Variants in RNF157 observed in about 807,000 individuals in gnomAD.
RNF157 encodes the protein ring finger protein 157.
RNF157 carries 55 observed loss-of-function variants against 88.3 expected under a neutral mutation model. The ratio of observed to expected loss-of-function variants is 0.62; its 90% confidence interval spans 0.50 to 0.78. RNF157 has a LOEUF of 0.78. RNF157 is among the 30% of genes least tolerant of loss of function. The probability of loss-of-function intolerance (pLI) is 0.00; values close to 1 mark genes in which losing one functional copy is unlikely to be tolerated. For missense variants in RNF157, 788 were observed against 860.8 expected, an observed-to-expected ratio of 0.92 and a Z score of 1.06; for synonymous variants, 334 against 341.2, an observed-to-expected ratio of 0.98 and a Z score of 0.23.
chr17:76,154,058 C>A (rs2068723484), intron 17 of RNF157: 1 of 544,424 alleles, frequency 1.8e-6, no homozygotes, highest in Non-Finnish European at 3.3e-6. Flanking sequence ...AGCACCCGCA[C>A]CTGACATCCA....
At chr17:76,192,698 T>C (rs1419521190) in intron 2 of RNF157, among the ~76,000 whole-genome samples, 1 of 152,176 alleles carries the variant, frequency 6.6e-6, no homozygotes, top group Non-Finnish European at 1.5e-5. Flanking sequence ...CTGAGTAAGC[T>C]TGACTAGCAG....
Position 76,167,022 on chromosome 17 carries a change from C to A in RNF157, c.548G>T (p.Trp183Leu). The A allele has an allele frequency of 6.2e-7, 1 of 1,609,020 alleles. No individual in the cohort carries two copies. Among genetic ancestry groups the A allele is most frequent in the South Asian group, 1.1e-5 (1 of 90,680 alleles). ...GAGGCAGCTCACCTCCTCTTCGGCCCACTCGGAGGGATCCACGGTGTGGGA... is the reference window on the plus strand; with the variant it reads ...GAGGCAGCTCACCTCCTCTTCGGCCAACTCGGAGGGATCCACGGTGTGGGA... ...LPSHTVDPSE[W>L]AEEELGFDLD... Residue 183 changes from tryptophan to leucine, a missense_variant, in exon 5 of 19, where the codon TGG (tryptophan) becomes TTG (leucine). Transcript: ENST00000269391.
intron 2 of RNF157, among the ~76,000 whole-genome samples, chr17:76,205,765 T>C (rs958160316): frequency 1.4e-5 from 2 of 140,844 alleles, no homozygotes; most frequent in East Asian, 2.0e-4. Context: ...ATAAATAAAA[T>C]AATAATGCCA....
Position 76,171,455 on chromosome 17 carries a change from T to C in RNF157, c.296+2247A>G, listed in dbSNP as rs577112399. Among the ~76,000 whole-genome samples the C allele has an allele frequency of 3.7e-4, 57 of 152,350 alleles. 1 individual carries two copies. Among genetic ancestry groups the C allele is most frequent in the South Asian group, 1.0e-3 (5 of 4,828 alleles). On this transcript the variant is annotated intron_variant, in intron 3 of 18. Transcript: ENST00000269391. ...CGCCCGCCTTGGTCTCCCAAAGTGCTGGGATTACATGCATGAGCCATCATG... is the reference window on the plus strand; with the variant it reads ...CGCCCGCCTTGGTCTCCCAAAGTGCCGGGATTACATGCATGAGCCATCATG...
intron 1 of RNF157, among the ~76,000 whole-genome samples, chr17:76,239,390 C>T (rs1328394957): frequency 6.6e-6 from 1 of 152,140 alleles, no homozygotes; most frequent in East Asian, 1.9e-4. Flanking sequence ...TAATAACAAA[C>T]ATACTTCTAT....
intron 1 of RNF157, among the ~76,000 whole-genome samples, chr17:76,218,499 G>C (rs1213262056): frequency 6.6e-6 from 1 of 152,082 alleles, no homozygotes; most frequent in Non-Finnish European, 1.5e-5. Flanking sequence ...TAAAAAGTTA[G>C]CCAGGCATGG....
chr17:76,184,508 T>C (rs1205186557), intron 2 of RNF157, among the ~76,000 whole-genome samples: 2 of 152,204 alleles, frequency 1.3e-5, no homozygotes, highest in African/African-American at 2.4e-5. Context: ...TCGTATTTGC[T>C]TGAATGCTGT....
intron 2 of RNF157, among the ~76,000 whole-genome samples, chr17:76,197,396 C>T (rs955611488): frequency 2.6e-5 from 4 of 152,116 alleles, no homozygotes; most frequent in Non-Finnish European, 5.9e-5. Flanking sequence ...GATGTGGTGG[C>T]TCATGCCTGT....
At chr17:76,169,836 T>G (rs1440583190) in intron 3 of RNF157, among the ~76,000 whole-genome samples, 1 of 151,858 alleles carries the variant, frequency 6.6e-6, no homozygotes, top group Non-Finnish European at 1.5e-5. Flanking sequence ...CCGCCTCACC[T>G]TCCCAAAGTG....
In RNF157 at chr17:76,167,027, G is replaced by A. The variant is rs768130392; in HGVS notation, c.543C>T (p.Ser181=). 9.9e-6 allele frequency: 16 copies of A among 1,610,180 alleles called. No individual in the cohort carries two copies. The highest frequency in any genetic ancestry group is 2.2e-5 in the East Asian group (1 of 44,740). ...AGCTCACCTCCTCTTCGGCCCACTC[G>A]GAGGGATCCACGGTGTGGGAGGGCA... ...FCLPSHTVDP[S]EWAEEELGFD... Residue 181 remains serine, a synonymous_variant, in exon 5 of 19, where the codon TCC becomes TCT. Coordinates refer to ENST00000269391, the MANE Select transcript of RNF157 (RefSeq NM_052916.3).
intron 2 of RNF157, among the ~76,000 whole-genome samples, chr17:76,193,929 G>A (rs993990554): frequency 3.3e-5 from 5 of 152,124 alleles, no homozygotes; most frequent in Non-Finnish European, 5.9e-5. Flanking sequence ...ACAGCCCTGG[G>A]GGACACGGCT....
intron 7 of RNF157, among the ~76,000 whole-genome samples, chr17:76,165,088 G>A (rs1314224935): frequency 1.3e-5 from 2 of 152,154 alleles, no homozygotes; most frequent in African/African-American, 4.8e-5. Context: ...AGGTGTGGAT[G>A]TAGTATGGGA....
chr17:76,167,145 G>A lies in RNF157; in HGVS notation c.444-19C>T. 6.3e-7 allele frequency: 1 copy of A among 1,591,972 alleles called. No individual in the cohort carries two copies. The highest frequency in any genetic ancestry group is 1.3e-5 in the African/African-American group (1 of 74,558). On this transcript the variant is annotated intron_variant, in intron 4 of 18. Coordinates refer to ENST00000269391, the MANE Select transcript of RNF157 (RefSeq NM_052916.3). ...AATGTAGCTATTGATACAAGTGGGA[G>A]GCAAAGCAAAAGTCAGTATCCGGCA...
intron 2 of RNF157, among the ~76,000 whole-genome samples, chr17:76,186,209 CTA>C (rs2144926235): frequency 6.6e-6 from 1 of 152,122 alleles, no homozygotes; most frequent in East Asian, 1.9e-4. Flanking sequence ...AACATCGACT[CTA>C]AAACTATTTA....
In RNF157 at chr17:76,157,826, GCA is replaced by G. The variant is rs781197498; in HGVS notation, c.1413+565_1413+566del. Among the ~76,000 whole-genome samples the G allele has an allele frequency of 1.3e-5, 2 of 152,112 alleles. No homozygotes were observed. The highest frequency in any genetic ancestry group is 6.5e-5 in the Admixed American group (1 of 15,284). On this transcript the variant is annotated intron_variant, in intron 13 of 18. Coordinates refer to ENST00000269391, the MANE Select transcript of RNF157 (RefSeq NM_052916.3). The surrounding 1 kb of genome is among the most constrained non-coding windows in gnomAD (Gnocchi z 5.6). ...TTGTTAAGTGAGGTCTCTGTGGGAC[GCA>G]CAGAGTAGAAAATTCCAGCCTTCTC...
chr17:76,195,110 A>G lies in RNF157; in HGVS notation c.207+17254T>C, dbSNP rs2144959599. ...AACACACACTGACAAGTGGAAAGCG[A>G]TTCAGGAGAACAGAAAGGGCCGAAA... On this transcript the variant is annotated intron_variant, in intron 2 of 18. Coordinates refer to ENST00000269391, the MANE Select transcript of RNF157 (RefSeq NM_052916.3). The surrounding 1 kb of genome is among the most constrained non-coding windows in gnomAD (Gnocchi z 4.4). Among the ~76,000 whole-genome samples, 1 of 152,338 alleles carries G rather than the reference A, an allele frequency of 6.6e-6. No individual in the cohort carries two copies. Among genetic ancestry groups the G allele is most frequent in the African/African-American group, 2.4e-5 (1 of 41,578 alleles).
chr17:76,158,712 G>A (rs1485692907), intron 12 of RNF157, among the ~76,000 whole-genome samples: 1 of 152,178 alleles, frequency 6.6e-6, no homozygotes, highest in Non-Finnish European at 1.5e-5. Flanking sequence ...ACAGCCTCCT[G>A]AGTAGCCGAG....
At chr17:76,228,126 C>A (rs1359510804) in intron 1 of RNF157, among the ~76,000 whole-genome samples, 1 of 151,938 alleles carries the variant, frequency 6.6e-6, no homozygotes, top group African/African-American at 2.4e-5. Flanking sequence ...ATGGAATATT[C>A]CATTTCCCCC....
intron 2 of RNF157, among the ~76,000 whole-genome samples, chr17:76,190,927 C>T (rs2069375195): frequency 6.6e-6 from 1 of 150,816 alleles, no homozygotes; most frequent in African/African-American, 2.4e-5. Flanking sequence ...AAAAAGTTTA[C>T]ACGGCTGAAT....
Sources: allele counts gnomAD v4.1 joint callset (sites outside exome capture counted in the v4.1 genomes callset), GRCh38; gene constraint gnomAD v4.1.1; non-coding constraint Gnocchi (gnomAD v3.1); transcripts MANE v1.5; gene names NCBI Gene and HGNC (gene_info 2026-07-23, HGNC 2026-07-21).